PIGG: variants seen among roughly 807,000 people sequenced by gnomAD.
The protein encoded by PIGG is phosphatidylinositol glycan anchor biosynthesis class G (EMM blood group), also known as GPI ethanolamine phosphate transferase 2, catalytic subunit.
In PIGG, 70 loss-of-function variants were observed where a neutral mutation model predicts 83.2. The observed-to-expected ratio is 0.84, with a 90% CI of 0.69 to 1.03. The LOEUF is 1.03. Ranked by LOEUF, PIGG falls within the 50% of genes least tolerant of loss-of-function variation. The pLI, the probability that PIGG is intolerant of heterozygous loss-of-function variation, is 0.00. For missense variants in PIGG, 1,257 were observed against 1,233.6 expected (o/e 1.02, Z -0.28); for synonymous variants, 532 against 519.5 (o/e 1.02, Z -0.33).
In PIGG at chr4:516,171, C is replaced by G. The variant is rs775569666; in HGVS notation, c.1100C>G (p.Pro367Arg). ...QLSKLLQENV[P>R]SYEKDPGFEQ... ...AGTAAACTGTTGCAAGAGAATGTGC[C>G]GTCATATGAAAAAGGTCAGTCAACT... The change falls in exon 6 of 13, where the codon CCG (proline) becomes CGG (arginine). Residue 367 changes from proline (P) to arginine (R), a missense_variant. By Grantham distance (103) the Pro-to-Arg change is moderately radical. Coordinates refer to ENST00000453061, the MANE Select transcript of PIGG (RefSeq NM_001127178.3). 1 of 1,612,388 alleles carries G rather than the reference C, an allele frequency of 6.2e-7. No homozygotes were observed. Among genetic ancestry groups the G allele is most frequent in the East Asian group, 2.2e-5 (1 of 44,868 alleles).
At chr4:500,041 A>G (rs1717030947) in intron 1 of PIGG, 1 of 276,928 alleles carries the variant, frequency 3.6e-6, no homozygotes, top group Admixed American at 4.9e-5. Context: ...CTGACCATGT[A>G]AACGCAGTAT....
intron 6 of PIGG, among the ~76,000 whole-genome samples, chr4:517,720 A>G (rs1724411787): frequency 6.6e-6 from 1 of 152,042 alleles, no homozygotes; most frequent in South Asian, 2.1e-4. Flanking sequence ...CTGCGACTCT[A>G]ATGGGAGTAG....
chr4:518,566 C>T (rs1247790092), intron 6 of PIGG, among the ~76,000 whole-genome samples: 1 of 152,204 alleles, frequency 6.6e-6, no homozygotes, highest in African/African-American at 2.4e-5. Context: ...GCACTCCAGC[C>T]TGGGTGACAG....
In PIGG at chr4:521,649, C is replaced by A; in HGVS notation, c.1333-11C>A. 2 of 1,611,392 alleles carry A rather than the reference C, an allele frequency of 1.2e-6. No homozygotes were observed. The highest frequency in any genetic ancestry group is 1.7e-6 in the Non-Finnish European group (2 of 1,177,788). ...CAGCAGTCTGTGGATGCTGCTGTTT[C>A]TCTGTTCCAGGTTCTCACCCTGCTC... On this transcript the variant is annotated splice_polypyrimidine_tract_variant and intron_variant, in intron 7 of 12. Coordinates refer to ENST00000453061, the MANE Select transcript of PIGG (RefSeq NM_001127178.3).
rs1430640083 is a variant in PIGG, at chr4:500,381, CT to C, written c.155-12del. The C allele has an allele frequency of 6.3e-7, 1 of 1,590,700 alleles. No homozygotes were observed. Among genetic ancestry groups the C allele is most frequent in the Non-Finnish European group, 8.6e-7 (1 of 1,166,300 alleles). On this transcript the variant is annotated splice_polypyrimidine_tract_variant and intron_variant, in intron 1 of 12. Transcript: ENST00000453061. The stretch of plus-strand genomic sequence containing the variant: ...TTTAGAGTTCAATTTCCTTTTTTTT[CT>C]TTCAAACACTTAGGAGCCAGTTCTA...
chr4:533,668 G>A, intron 11 of PIGG, 150 bp from the exon 12 acceptor site: 1 of 690,494 alleles, frequency 1.4e-6, no homozygotes, highest in Admixed American at 2.5e-5. Context: ...GAACGGCTGG[G>A]CAGCCACCTC....
rs1577131894 is a variant in PIGG at position 529,685 on chromosome 4, T to G, written c.2262-751T>G. Among the ~76,000 whole-genome samples the G allele has an allele frequency of 2.0e-5, 3 of 152,252 alleles. No homozygotes were observed. The South Asian group carries it at 6.2e-4, about 32-fold the overall frequency. ...TTACAGATAACTATCATAAGAGTAC[T>G]TAATTTTACTGAGCTTACTGTGTGC... On this transcript the variant is annotated intron_variant, in intron 10 of 12. Coordinates refer to ENST00000453061, the MANE Select transcript of PIGG (RefSeq NM_001127178.3).
intron 4 of PIGG, among the ~76,000 whole-genome samples, chr4:508,236 C>T (rs1720537894): frequency 6.6e-6 from 1 of 152,170 alleles, no homozygotes; most frequent in Non-Finnish European, 1.5e-5. Context: ...AGAAGCCTTC[C>T]CTGAAGACGT....
chr4:506,638 T>G, intron 3 of PIGG: 1 of 389,146 alleles, frequency 2.6e-6, no homozygotes, highest in Non-Finnish European at 5.3e-6. Flanking sequence ...ACACTTCTCT[T>G]CATAGGAGAT....
rs1720869652 is a variant in PIGG, at chr4:508,893, G to A, written c.824G>A (p.Gly275Glu). 2.5e-6 allele frequency: 4 copies of A among 1,613,634 alleles called. No individual in the cohort carries two copies. Among genetic ancestry groups the A allele is most frequent in the Non-Finnish European group, 3.4e-6 (4 of 1,179,672 alleles). ...GGTGACCATGGCATGTCTGAAACAGGAAGTCACGGGGCCTCCTCCACCGAG... is the reference window on the plus strand; with the variant it reads ...GGTGACCATGGCATGTCTGAAACAGAAAGTCACGGGGCCTCCTCCACCGAG... ...LCGDHGMSET[G>E]SHGASSTEEV... Residue 275 changes from glycine (G) to glutamate (E), a missense_variant, in exon 5 of 13, where the codon GGA becomes GAA. Gly to Glu is a moderately conservative substitution (Grantham distance 98). Coordinates refer to ENST00000453061, the MANE Select transcript of PIGG (RefSeq NM_001127178.3).
chr4:519,377 A>G (rs1041195208), intron 6 of PIGG, among the ~76,000 whole-genome samples: 2 of 152,088 alleles, frequency 1.3e-5, no homozygotes, highest in African/African-American at 2.4e-5. Context: ...GCACAGGTGC[A>G]CCCCCATAGC....
chr4:539,336 G>T lies in PIGG; in HGVS notation c.2919G>T (p.Thr973=), dbSNP rs372154748. 2 of 1,612,668 alleles carry T rather than the reference G, an allele frequency of 1.2e-6. No individual in the cohort carries two copies. Among genetic ancestry groups the T allele is most frequent in the Non-Finnish European group, 1.7e-6 (2 of 1,178,890 alleles). Residue 973 remains threonine (T), a synonymous_variant, in exon 13 of 13, where the codon ACG becomes ACT. Coordinates refer to ENST00000453061, the MANE Select transcript of PIGG (RefSeq NM_001127178.3). Reference sequence around the variant, plus strand: ...CAGCTGCTGTCTGTGTATTCTTCACGGCAATGGATCAAACCAGACTCACAC... The same window carrying T: ...CAGCTGCTGTCTGTGTATTCTTCACTGCAATGGATCAAACCAGACTCACAC... The part of the protein sequence containing the change: ...LITAAVCVFF[T]AMDQTRLTQS
intron 11 of PIGG, chr4:532,090 C>G (rs1729205848): frequency 1.3e-5 from 2 of 152,362 alleles, no homozygotes; most frequent in African/African-American, 4.8e-5. Context: ...TCCCTACTTC[C>G]TGCCCTCGAC....
chr4:535,592 T>C lies in PIGG; in HGVS notation c.2735+1611T>C, dbSNP rs145929632. On this transcript the variant is annotated intron_variant, in intron 12 of 12. Transcript: ENST00000453061. The stretch of plus-strand genomic sequence containing the variant: ...GAGCCCCAGGGAGCGCGCTGTGGCC[T>C]CTCCGCTGAGCAGTGAGGCTGGAGG... Among the ~76,000 whole-genome samples, 20 of 152,190 alleles carry C rather than the reference T, an allele frequency of 1.3e-4. No homozygotes were observed. In the East Asian group the frequency reaches 3.7e-3, roughly 28 times the overall value.
At position 523,622 on chromosome 4, in the gene PIGG, CCTACAGAAA is replaced by C; in HGVS notation, c.1783_1791del (p.Arg595_Tyr597del). On this transcript the variant is annotated inframe_deletion, in exon 9 of 13. Coordinates refer to ENST00000453061, the MANE Select transcript of PIGG (RefSeq NM_001127178.3). Reference sequence around the variant, plus strand: ...CTGTGTCTAGCTCTGAGCCAAGAAACCTACAGAAACTACTTTCTGGGAGATGACGGTGAG... The same window carrying C: ...CTGTGTCTAGCTCTGAGCCAAGAAACCTACTTTCTGGGAGATGACGGTGAG... The C allele has an allele frequency of 6.2e-7, 1 of 1,614,182 alleles. No homozygotes were observed. The highest frequency in any genetic ancestry group is 1.3e-5 in the African/African-American group (1 of 75,052).
intron 2 of PIGG, among the ~76,000 whole-genome samples, chr4:503,293 A>G (rs1718404050): frequency 6.6e-6 from 1 of 152,138 alleles, no homozygotes; most frequent in South Asian, 2.1e-4. Flanking sequence ...TCACTTCTGG[A>G]CACAAATCAG....
chr4:511,713 A>G (rs1489948412), intron 5 of PIGG, among the ~76,000 whole-genome samples: 2 of 152,218 alleles, frequency 1.3e-5, no homozygotes, highest in South Asian at 2.1e-4. Context: ...TTTTTTATGT[A>G]CCTGAAATTT....
chr4:523,918 G>A lies in PIGG; in HGVS notation c.2069+5G>A. ...CCTCGGCCACTGGCTCACCAGGTGA[G>A]AGCGTAGGCCCGTGGCCACAGGCCA... is the stretch of plus-strand genomic sequence containing the variant. On this transcript the variant is annotated splice_donor_5th_base_variant and intron_variant, in intron 9 of 12. Coordinates refer to ENST00000453061, the MANE Select transcript of PIGG (RefSeq NM_001127178.3). 6.6e-7 allele frequency: 1 copy of A among 1,508,092 alleles called. No homozygotes were observed. Among genetic ancestry groups the A allele is most frequent in the Non-Finnish European group, 8.9e-7 (1 of 1,118,794 alleles). The allele number at this position is 1,508,092 out of a possible 1,614,324, so 93.4% of individuals were successfully genotyped here. A position where few individuals can be genotyped will look rare whatever the true frequency, so the allele number is the denominator to read the frequency against.
intron 5 of PIGG, among the ~76,000 whole-genome samples, chr4:509,763 G>A (rs1721246999): frequency 6.6e-6 from 1 of 151,964 alleles, no homozygotes; most frequent in African/African-American, 2.4e-5. Flanking sequence ...TTCTTGTTTC[G>A]TTCTGCATTA....
Sources: gnomAD v4.1 joint callset for allele counts (sites outside exome capture counted in the v4.1 genomes callset) on GRCh38, gnomAD v4.1.1 for gene constraint, MANE v1.5 for transcripts, NCBI Gene and HGNC (gene_info 2026-07-23, HGNC 2026-07-21) for gene names.